The following FRYL variants were observed in gnomAD, a reference collection of about 807,000 sequenced individuals.
FRYL encodes the protein protein furry homolog-like.
A neutral mutation model predicts 351.2 loss-of-function variants in FRYL; 150 were observed. The ratio of observed to expected loss-of-function variants is 0.43; its 90% CI spans 0.37 to 0.49. The LOEUF is 0.49. Ranked by LOEUF, FRYL falls within the 20% of genes least tolerant of loss-of-function variation. The probability of loss-of-function intolerance (pLI) is 0.00; values close to 1 mark genes in which losing one functional copy is unlikely to be tolerated. For synonymous variants in FRYL, 1,153 were observed against 1,257.1 expected (o/e 0.92, Z 1.75); for missense variants, 3,036 against 3,619.3 (o/e 0.84, Z 4.13).
At chr4:48,622,897 G>A (rs1366896797) in intron 5 of FRYL, among the ~76,000 whole-genome samples, 2 of 151,748 alleles carry the variant, frequency 1.3e-5, no homozygotes, top group Non-Finnish European at 1.5e-5. Flanking sequence ...AAATGTGAAA[G>A]GTACATTAAA....
At chr4:48,553,668 A>C (rs1170775518) in intron 35 of FRYL, among the ~76,000 whole-genome samples, 1 of 152,044 alleles carries the variant, frequency 6.6e-6, no homozygotes, top group Admixed American at 6.6e-5. Context: ...AAAAAAAAAA[A>C]AAAAACAAAA....
chr4:48,605,724 A>G lies in FRYL; in HGVS notation c.834+17T>C. On this transcript the variant is annotated intron_variant, in intron 11 of 63. Transcript: ENST00000358350. ...TGTATAACACACAAATGGTATGAAA[A>G]TAAGAAAAATACTTACAGCAGCTAC... 1 of 1,502,356 alleles carries G rather than the reference A, an allele frequency of 6.7e-7. No individual in the cohort carries two copies. The highest frequency in any genetic ancestry group is 9.2e-7 in the Non-Finnish European group (1 of 1,081,446). 93.1% of individuals were successfully genotyped at this position (1,502,356 alleles called of 1,614,324 possible).
At chr4:48,544,671 CTA>C in intron 43 of FRYL, 110 bp downstream of exon 43, 1 of 796,276 alleles carries the variant, frequency 1.3e-6, no homozygotes, top group Non-Finnish European at 1.9e-6. Flanking sequence ...AATTAAAAGT[CTA>C]AAACTTTTAG....
At chr4:48,530,300 T>G (rs543641718) in intron 50 of FRYL, among the ~76,000 whole-genome samples, 1 of 152,246 alleles carries the variant, frequency 6.6e-6, no homozygotes, top group Admixed American at 6.5e-5. Context: ...TCCCATCAGT[T>G]ACTTCCTTGG....
chr4:48,662,096 C>G (rs1343258588), intron 3 of FRYL, among the ~76,000 whole-genome samples: 1 of 152,046 alleles, frequency 6.6e-6, no homozygotes, highest in Non-Finnish European at 1.5e-5. Flanking sequence ...GGAACAGCAG[C>G]AAATGGTCTA....
rs558748679 is a variant in FRYL at position 48,724,054 on chromosome 4, G to A, written c.-383-13356C>T. On this transcript the variant is annotated intron_variant, in intron 1 of 63. Transcript: ENST00000358350. ...GAGACAGGAGGGCTGCTTGAGCCCA[G>A]GAGGTCCAGACGTTAGTAAGCCATG... Among the ~76,000 whole-genome samples, 5 of 151,930 alleles carry A rather than the reference G, an allele frequency of 3.3e-5. No individual in the cohort carries two copies. The South Asian group carries it at 1.0e-3, about 32-fold the overall frequency.
chr4:48,592,081 CTTATATATATAT>C lies in FRYL; in HGVS notation c.1336-1263_1336-1252del, dbSNP rs1264222439. 2.4e-3 allele frequency among the ~76,000 whole-genome samples: 60 copies of C among 24,834 alleles called. No homozygotes were observed. In the East Asian group the frequency reaches 0.054, roughly 22 times the overall value. The allele number at this position is 24,834 out of a possible 152,430, so 16.3% of individuals were successfully genotyped here. A position where few individuals can be genotyped will look rare whatever the true frequency, so the allele number is the denominator to read the frequency against. ...TGGAATACGGGAAGAAAATAAAGCTCTTATATATATATATATATATATATATATATATATTTT... is the reference window on the plus strand; with the variant it reads ...TGGAATACGGGAAGAAAATAAAGCTCATATATATATATATATATATATTTT... On this transcript the variant is annotated intron_variant, in intron 16 of 63. Coordinates refer to ENST00000358350, the MANE Select transcript of FRYL (RefSeq NM_015030.2).
rs753847450 is a variant in FRYL, at chr4:48,515,120, G to A, written c.7845C>T (p.Pro2615=). The change falls in exon 56 of 64, where the codon CCC becomes CCT. Residue 2615 remains proline (P), a synonymous_variant. Coordinates refer to ENST00000358350, the MANE Select transcript of FRYL (RefSeq NM_015030.2). The part of the protein sequence containing the change: ...MPEPLAPESY[P]ESVCEEDVTL... ...TAACATCCTCTTCACAGACTGACTC[G>A]GGGTAACTTTCAGGAGCTAGAGGCT... is the stretch of plus-strand genomic sequence containing the variant. 15 of 1,613,786 alleles carry A rather than the reference G, an allele frequency of 9.3e-6. No homozygotes were observed. Among genetic ancestry groups the A allele is most frequent in the East Asian group, 4.5e-5 (2 of 44,872 alleles).
chr4:48,583,809 G>A (rs975220820), intron 19 of FRYL, among the ~76,000 whole-genome samples: 8 of 151,830 alleles, frequency 5.3e-5, no homozygotes, highest in Non-Finnish European at 8.8e-5. Flanking sequence ...GGAGGCCGAG[G>A]CAGGAGAATT....
At chr4:48,565,449 T>C in intron 29 of FRYL, 82 bp downstream of exon 29, 1 of 1,072,534 alleles carries the variant, frequency 9.3e-7, no homozygotes, top group Non-Finnish European at 1.3e-6. Flanking sequence ...TCAGATCCTC[T>C]TTTTAATACT....
At chr4:48,502,168 T>A (rs2148705316) in intron 61 of FRYL, among the ~76,000 whole-genome samples, 1 of 152,266 alleles carries the variant, frequency 6.6e-6, no homozygotes, top group African/African-American at 2.4e-5. Context: ...ACCTAAAAAG[T>A]AAGAAAAGCT....
At chr4:48,589,925 G>T in intron 17 of FRYL, 48 bp from the exon 18 acceptor site, 2 of 1,466,920 alleles carry the variant, frequency 1.4e-6, no homozygotes, top group Non-Finnish European at 1.9e-6. Flanking sequence ...ATTAGATAAA[G>T]AATACTTACT....
At chr4:48,534,909 G>A (rs1728530300) in intron 48 of FRYL, among the ~76,000 whole-genome samples, 1 of 151,994 alleles carries the variant, frequency 6.6e-6, no homozygotes, top group Admixed American at 6.6e-5. Context: ...TCTAAATCAT[G>A]GTGTTTTATT....
At chr4:48,717,977 A>G (rs1032968188) in intron 1 of FRYL, among the ~76,000 whole-genome samples, 1 of 151,678 alleles carries the variant, frequency 6.6e-6, no homozygotes, top group African/African-American at 2.4e-5. Context: ...ACATCACCTT[A>G]TAACTCCATA....
intron 2 of FRYL, among the ~76,000 whole-genome samples, chr4:48,701,198 C>A (rs556479802): frequency 5.9e-5 from 9 of 152,132 alleles, no homozygotes; most frequent in Non-Finnish European, 1.0e-4. Context: ...TTATTATCAT[C>A]GCCCAACTCT....
chr4:48,642,643 TG>T lies in FRYL; in HGVS notation c.-80-8154del, dbSNP rs1755574186. 2.6e-5 allele frequency among the ~76,000 whole-genome samples: 4 copies of T among 152,256 alleles called. No individual in the cohort carries two copies. The South Asian group carries it at 8.3e-4, about 32-fold the overall frequency. ...TATGACATCTTTGGCATATGTCCAA[TG>T]TTTTTTACTTGAAGTCTACTACAGA... is the stretch of plus-strand genomic sequence containing the variant. On this transcript the variant is annotated intron_variant, in intron 3 of 63. Transcript: ENST00000358350.
At chr4:48,611,887 C>A (rs142336295) in intron 7 of FRYL, among the ~76,000 whole-genome samples, 64 of 152,106 alleles carry the variant, frequency 4.2e-4, no homozygotes, top group African/African-American at 1.4e-3. Flanking sequence ...AAGATTAAGT[C>A]TGAAAATACC....
At chr4:48,612,095 C>T (rs1748326311) in intron 7 of FRYL, among the ~76,000 whole-genome samples, 1 of 152,150 alleles carries the variant, frequency 6.6e-6, no homozygotes, top group South Asian at 2.1e-4. Context: ...CCATTACATT[C>T]CATTAGTTTT....
intron 3 of FRYL, among the ~76,000 whole-genome samples, chr4:48,648,781 T>A (rs1162540144): frequency 6.6e-6 from 1 of 152,228 alleles, no homozygotes; most frequent in Non-Finnish European, 1.5e-5. Context: ...ACACCCATTG[T>A]ATGATTCCAT....
Sources: gnomAD v4.1 joint callset for allele counts (sites outside exome capture counted in the v4.1 genomes callset) on GRCh38, gnomAD v4.1.1 for gene constraint, MANE v1.5 for transcripts, NCBI Gene and HGNC (gene_info 2026-07-23, HGNC 2026-07-21) for gene names.